The following LINGO2 variants were observed in gnomAD, a reference collection of about 807,000 sequenced individuals.
LINGO2 encodes leucine rich repeat and Ig domain containing 2, also known as leucine-rich repeat and immunoglobulin-like domain-containing nogo receptor-interacting protein 2.
LINGO2 carries 14 observed loss-of-function variants against 30.6 expected under a neutral mutation model. That is an observed-to-expected ratio of 0.46 (90% CI 0.30 to 0.72). LINGO2 has a LOEUF of 0.72. Ranked by LOEUF, LINGO2 falls within the 30% of genes least tolerant of loss-of-function variation. LINGO2 has a pLI of 0.07. For synonymous variants in LINGO2, 317 were observed against 288.5 expected, an observed-to-expected ratio of 1.10 and a Z score of -1.00; for missense variants, 729 against 751.7, an observed-to-expected ratio of 0.97 and a Z score of 0.35.
intron 1 of LINGO2, among the ~76,000 whole-genome samples, chr9:28,553,224 A>G (rs902902287): frequency 1.3e-5 from 2 of 152,088 alleles, no homozygotes; most frequent in Non-Finnish European, 2.9e-5. Context: ...CATTCAAACC[A>G]AAGACAAAGA....
chr9:29,065,286 T>C, the LINGO2 span, among the ~76,000 whole-genome samples: 36 of 152,286 alleles, frequency 2.4e-4, no homozygotes, highest in South Asian at 6.0e-3. Context: ...TAGGTCCCAC[T>C]TGTCAATTTT....
chr9:29,077,493 T>C, the LINGO2 span, among the ~76,000 whole-genome samples: 20 of 152,184 alleles, frequency 1.3e-4, no homozygotes, highest in Admixed American at 1.2e-3. Flanking sequence ...AATTATTCTC[T>C]ATAGCTACTT....
At chr9:28,371,472 A>G (rs13290182) in intron 3 of LINGO2, among the ~76,000 whole-genome samples, 77,098 of 151,906 alleles carry the variant, frequency 0.51, 20,961 homozygotes, top group Non-Finnish European at 0.59. Flanking sequence ...GGGCAAGGTA[A>G]CTCCCTTGGG....
chr9:28,774,509 A>G, the LINGO2 span, among the ~76,000 whole-genome samples: 1 of 152,184 alleles, frequency 6.6e-6, no homozygotes, highest in Non-Finnish European at 1.5e-5. Context: ...CATTATAGAA[A>G]AATGTGATTG....
the LINGO2 span, among the ~76,000 whole-genome samples, chr9:28,795,816 C>T: frequency 6.6e-6 from 1 of 151,980 alleles, no homozygotes; most frequent in South Asian, 2.1e-4. Flanking sequence ...CTATCTTTTA[C>T]TAACATATCA....
chr9:28,678,636 G>A, the LINGO2 span, among the ~76,000 whole-genome samples: 173 of 152,114 alleles, frequency 1.1e-3, no homozygotes, highest in Admixed American at 6.5e-3. Flanking sequence ...TTACCTAAAG[G>A]GATGGTTGTG....
chr9:28,878,380 T>G, the LINGO2 span, among the ~76,000 whole-genome samples: 1 of 152,112 alleles, frequency 6.6e-6, no homozygotes, highest in African/African-American at 2.4e-5. Flanking sequence ...CAGGACTAGA[T>G]GGATTCACAG....
chr9:27,999,715 G>T (rs1286874602), intron 5 of LINGO2, among the ~76,000 whole-genome samples: 3 of 152,130 alleles, frequency 2.0e-5, no homozygotes, highest in African/African-American at 7.2e-5. Flanking sequence ...TAAGTCCAAT[G>T]AAAGACTGAC....
chr9:28,287,319 A>G (rs1412904351), intron 4 of LINGO2, among the ~76,000 whole-genome samples: 1 of 152,222 alleles, frequency 6.6e-6, no homozygotes, highest in Non-Finnish European at 1.5e-5. Context: ...AGATTCTTCT[A>G]CCAGAGGTGT....
the LINGO2 span, among the ~76,000 whole-genome samples, chr9:28,682,747 G>T: frequency 6.6e-6 from 1 of 151,896 alleles, no homozygotes; most frequent in Non-Finnish European, 1.5e-5. Flanking sequence ...ATTAATTATG[G>T]ATATTGATAT....
At chr9:29,203,260 A>T in the LINGO2 span, among the ~76,000 whole-genome samples, 1 of 152,164 alleles carries the variant, frequency 6.6e-6, no homozygotes, top group Non-Finnish European at 1.5e-5. Context: ...GGAAAAAAAT[A>T]AAAATATCAA....
At chr9:28,394,206 A>C (rs1047656562) in intron 2 of LINGO2, among the ~76,000 whole-genome samples, 4 of 152,166 alleles carry the variant, frequency 2.6e-5, no homozygotes, top group Non-Finnish European at 4.4e-5. Flanking sequence ...ATATCTGAAG[A>C]TCTCTTTCCA....
intron 3 of LINGO2, among the ~76,000 whole-genome samples, chr9:28,343,609 A>G (rs988982823): frequency 2.6e-5 from 4 of 152,176 alleles, no homozygotes; most frequent in Admixed American, 6.5e-5. Context: ...GATTACAATG[A>G]CTCAATTAAC....
intron 4 of LINGO2, among the ~76,000 whole-genome samples, chr9:28,133,745 C>T (rs899234638): frequency 1.3e-5 from 2 of 152,054 alleles, no homozygotes; most frequent in Admixed American, 1.3e-4. Context: ...TTTCCTGGCT[C>T]CTTAATTTCT....
chr9:27,975,853 G>A (rs1820567991), intron 5 of LINGO2, among the ~76,000 whole-genome samples: 1 of 152,026 alleles, frequency 6.6e-6, no homozygotes, highest in Non-Finnish European at 1.5e-5. Flanking sequence ...ATTTTAAAAA[G>A]TATATATTTA....
chr9:28,193,170 T>A (rs1388941021), intron 4 of LINGO2, among the ~76,000 whole-genome samples: 1 of 152,180 alleles, frequency 6.6e-6, no homozygotes, highest in East Asian at 1.9e-4. Context: ...TAGCTAATGA[T>A]ATTATTATAA....
chr9:28,306,956 G>C (rs1488170126), intron 3 of LINGO2, among the ~76,000 whole-genome samples: 1 of 151,884 alleles, frequency 6.6e-6, no homozygotes, highest in South Asian at 2.1e-4. Context: ...CAACCAAAAA[G>C]AGTCCAGGAC....
At chr9:28,163,082 G>C (rs1280752009) in intron 4 of LINGO2, among the ~76,000 whole-genome samples, 1 of 152,120 alleles carries the variant, frequency 6.6e-6, no homozygotes, top group African/African-American at 2.4e-5. Context: ...AAATTTAAAA[G>C]CTAGAGAAGG....
intron 4 of LINGO2, among the ~76,000 whole-genome samples, chr9:28,151,141 T>TA (rs1180561873): frequency 3.9e-5 from 6 of 152,268 alleles, no homozygotes; most frequent in African/African-American, 1.4e-4. Flanking sequence ...AAGAAAAACC[T>TA]AAATAAGACC....
Sources: allele counts gnomAD v4.1 joint callset (sites outside exome capture counted in the v4.1 genomes callset), GRCh38; gene constraint gnomAD v4.1.1; transcripts MANE v1.5; gene names NCBI Gene and HGNC (gene_info 2026-07-23, HGNC 2026-07-21).